RPL37: variants seen among roughly 807,000 people sequenced by gnomAD.
RPL37 encodes ribosomal protein L37, also known as large ribosomal subunit protein eL37.
In RPL37, 1 loss-of-function variant was observed where a neutral mutation model predicts 14.8. The ratio of observed to expected loss-of-function variants is 0.07; its 90% confidence interval spans 0.02 to 0.32. The LOEUF (loss-of-function observed/expected upper bound fraction) is 0.32, where lower values mean the gene tolerates loss of function less well. Among genes scored for constraint, RPL37 ranks in the 10% least tolerant of loss-of-function variants. RPL37 has a pLI of 1.00. For synonymous variants in RPL37, 53 were observed against 45.8 expected, an observed-to-expected ratio of 1.16 and a Z score of -0.63; for missense variants, 100 against 128.3, an observed-to-expected ratio of 0.78 and a Z score of 1.06.
At chr5:40,835,041 CTCT>C (rs1745735564) in intron 1 of RPL37, 139 bp downstream of exon 1, 3 of 1,126,242 alleles carry the variant, frequency 2.7e-6, no homozygotes, top group African/African-American at 3.0e-5. Flanking sequence ...ATTCTTCTGG[CTCT>C]TGAGGGCCAC....
Position 40,829,301 on chromosome 5 carries a change from T to C in RPL37, c.*3203A>G, listed in dbSNP as rs1289202228. The C allele has an allele frequency of 6.6e-6, 1 of 152,236 alleles. No homozygotes were observed. Among genetic ancestry groups the C allele is most frequent in the African/African-American group, 2.4e-5 (1 of 41,466 alleles). 9.4% of individuals were successfully genotyped at this position (152,236 alleles called of 1,614,324 possible). On this transcript the variant is annotated 3_prime_UTR_variant, in exon 4 of 4. Coordinates refer to ENST00000274242, the MANE Select transcript of RPL37 (RefSeq NM_000997.5). ...GACTCATCACATGCACACTAACACT[T>C]TCCACATTCATCTTGCTAGAATAAC...
In RPL37 at chr5:40,832,318, C is replaced by T; in HGVS notation, c.*186G>A. 7.8e-6 allele frequency: 5 copies of T among 637,474 alleles called. No individual in the cohort carries two copies. In the South Asian group the frequency reaches 8.7e-5, roughly 11 times the overall value. 39.5% of individuals were successfully genotyped at this position (637,474 alleles called of 1,614,324 possible). A position where few individuals can be genotyped will look rare whatever the true frequency, so the allele number is the denominator to read the frequency against. Reference sequence around the variant, plus strand: ...ATTGCCTTTAACCGTGTTACAAACCCAGTCCAAAAGTAAACATTCCAAAAC... The same window carrying T: ...ATTGCCTTTAACCGTGTTACAAACCTAGTCCAAAAGTAAACATTCCAAAAC... On this transcript the variant is annotated 3_prime_UTR_variant, in exon 4 of 4. Coordinates refer to ENST00000274242, the MANE Select transcript of RPL37 (RefSeq NM_000997.5).
intron 1 of RPL37, 54 bp downstream of exon 1, chr5:40,835,129 G>T: frequency 6.2e-7 from 1 of 1,613,032 alleles, no homozygotes; most frequent in Non-Finnish European, 8.5e-7. Flanking sequence ...CAAACAGAGA[G>T]GCACAAAGGA....
In RPL37 at chr5:40,830,255, T is replaced by G. The variant is rs905094296; in HGVS notation, c.*2249A>C. 1 of 152,106 alleles carries G rather than the reference T, an allele frequency of 6.6e-6. No homozygotes were observed. The highest frequency in any genetic ancestry group is 1.5e-5 in the Non-Finnish European group (1 of 68,012). 9.4% of individuals were successfully genotyped at this position (152,106 alleles called of 1,614,324 possible). The stretch of plus-strand genomic sequence containing the variant: ...TTCTGCTGAAAAATTTAAAGTATAA[T>G]GGGTATCTATACATAACTATAACTT... On this transcript the variant is annotated 3_prime_UTR_variant, in exon 4 of 4. Transcript: ENST00000274242.
chr5:40,829,310 C>T lies in RPL37; in HGVS notation c.*3194G>A, dbSNP rs1021129587. 3 of 152,238 alleles carry T rather than the reference C, an allele frequency of 2.0e-5. No individual in the cohort carries two copies. The highest frequency in any genetic ancestry group is 7.2e-5 in the African/African-American group (3 of 41,460). 9.4% of individuals were successfully genotyped at this position (152,238 alleles called of 1,614,324 possible). A position where few individuals can be genotyped will look rare whatever the true frequency, so the allele number is the denominator to read the frequency against. ...CATGCACACTAACACTTTCCACATT[C>T]ATCTTGCTAGAATAACTATTCCTAA... On this transcript the variant is annotated 3_prime_UTR_variant, in exon 4 of 4. Transcript: ENST00000274242.
chr5:40,832,387 T>TA lies in RPL37; in HGVS notation c.*116dup, dbSNP rs368537392. ...TCTGATATGAAGCTAGCCCAGTCCC[T>TA]AAACCTACAGTATTTCACTGATACT... On this transcript the variant is annotated 3_prime_UTR_variant, in exon 4 of 4. Coordinates refer to ENST00000274242, the MANE Select transcript of RPL37 (RefSeq NM_000997.5). The TA allele has an allele frequency of 6.2e-3, 5,562 of 897,742 alleles. 38 individuals are homozygous for TA. The highest frequency in any genetic ancestry group is 0.014 in the South Asian group (1,049 of 75,768). The allele number at this position is 897,742 out of a possible 1,614,324, so 55.6% of individuals were successfully genotyped here. A position where few individuals can be genotyped will look rare whatever the true frequency, so the allele number is the denominator to read the frequency against.
chr5:40,835,139 A>T, intron 1 of RPL37, 44 bp downstream of exon 1: 5 of 1,613,820 alleles, frequency 3.1e-6, no homozygotes, highest in Non-Finnish European at 3.4e-6. Context: ...GGCACAAAGG[A>T]CGAGGATGGA....
rs1267125081 is a variant in RPL37, at chr5:40,827,824, G to A, written c.*4680C>T. 1 of 151,336 alleles carries A rather than the reference G, an allele frequency of 6.6e-6. No individual in the cohort carries two copies. The highest frequency in any genetic ancestry group is 1.5e-5 in the Non-Finnish European group (1 of 67,990). 9.4% of individuals were successfully genotyped at this position (151,336 alleles called of 1,614,324 possible). ...CCCCCCAGGCTCAAGCGATTCTCTC[G>A]CCTCAGCCTCCTGAGTAGCTGGGAT... On this transcript the variant is annotated 3_prime_UTR_variant, in exon 4 of 4. Coordinates refer to ENST00000274242, the MANE Select transcript of RPL37 (RefSeq NM_000997.5).
chr5:40,833,017 T>C (rs962261185), intron 3 of RPL37, among the ~76,000 whole-genome samples: 7 of 152,154 alleles, frequency 4.6e-5, no homozygotes, highest in Non-Finnish European at 1.0e-4. Flanking sequence ...GTATCTACTC[T>C]AAGAAGTATC....
intron 3 of RPL37, chr5:40,832,866 C>T (rs1175155775): frequency 7.1e-6 from 3 of 424,224 alleles, no homozygotes; most frequent in South Asian, 2.1e-5. Flanking sequence ...GGCAAGAGAT[C>T]ACAGATTATT....
chr5:40,829,075 G>A lies in RPL37; in HGVS notation c.*3429C>T, dbSNP rs946531314. On this transcript the variant is annotated 3_prime_UTR_variant, in exon 4 of 4. Transcript: ENST00000274242. ...CTCTTGCTTACTCTGACTTCTACAT[G>A]CCTATCAAATCTCAGTGTTCTCATT... 6.6e-6 allele frequency: 1 copy of A among 152,112 alleles called. No homozygotes were observed. Among genetic ancestry groups the A allele is most frequent in the African/African-American group, 2.4e-5 (1 of 41,400 alleles). The allele number at this position is 152,112 out of a possible 1,614,324, so 9.4% of individuals were successfully genotyped here. A position where few individuals can be genotyped will look rare whatever the true frequency, so the allele number is the denominator to read the frequency against.
At chr5:40,835,005 G>T in intron 1 of RPL37, 178 bp downstream of exon 1, 1 of 790,046 alleles carries the variant, frequency 1.3e-6, no homozygotes, top group Non-Finnish European at 2.1e-6. Context: ...CGGCGGGATA[G>T]GTCCCCCAGG....
intron 3 of RPL37, 62 bp downstream of exon 3, chr5:40,834,119 G>C (rs766534583): frequency 8.7e-7 from 1 of 1,143,104 alleles, no homozygotes; most frequent in Non-Finnish European, 1.3e-6. Flanking sequence ...CTTTTTACAA[G>C]TAAACACGAG....
intron 3 of RPL37, among the ~76,000 whole-genome samples, chr5:40,833,134 C>A (rs1745678620): frequency 6.6e-6 from 1 of 152,172 alleles, no homozygotes; most frequent in Non-Finnish European, 1.5e-5. Context: ...CCCACAAAAA[C>A]GTTATGACCC....
At position 40,831,212 on chromosome 5, in the gene RPL37, C is replaced by G. The variant is rs1745634402; in HGVS notation, c.*1292G>C. 2 of 152,272 alleles carry G rather than the reference C, an allele frequency of 1.3e-5. No homozygotes were observed. Among genetic ancestry groups the G allele is most frequent in the Admixed American group, 1.3e-4 (2 of 15,280 alleles). 9.4% of individuals were successfully genotyped at this position (152,272 alleles called of 1,614,324 possible). On this transcript the variant is annotated 3_prime_UTR_variant, in exon 4 of 4. Coordinates refer to ENST00000274242, the MANE Select transcript of RPL37 (RefSeq NM_000997.5). ...AGGCAGGAGAACCACTTGACTTGAG[C>G]CCAGGAATTAGAGGCTGCAGTGAGC...
At chr5:40,834,101 A>C in intron 3 of RPL37, 80 bp downstream of exon 3, 1 of 961,310 alleles carries the variant, frequency 1.0e-6, no homozygotes, top group South Asian at 1.3e-5. Context: ...CCATCAGGGT[A>C]CTGTTATCTT....
intron 3 of RPL37, among the ~76,000 whole-genome samples, chr5:40,833,323 A>T (rs1030794506): frequency 6.6e-6 from 1 of 152,238 alleles, no homozygotes; most frequent in Non-Finnish European, 1.5e-5. Flanking sequence ...TATCCAGCCC[A>T]AAGTATCAAT....
chr5:40,832,428 TA>T lies in RPL37; in HGVS notation c.*75del. On this transcript the variant is annotated 3_prime_UTR_variant, in exon 4 of 4. Coordinates refer to ENST00000274242, the MANE Select transcript of RPL37 (RefSeq NM_000997.5). ...CACTGATACTACAAGCCTAATTGAT[TA>T]AAAATACCTTACCAAAACCAGATAT... The T allele has an allele frequency of 7.7e-7, 1 of 1,298,026 alleles. No homozygotes were observed. The highest frequency in any genetic ancestry group is 1.1e-6 in the Non-Finnish European group (1 of 894,120). 80.4% of individuals were successfully genotyped at this position (1,298,026 alleles called of 1,614,324 possible).
intron 3 of RPL37, 168 bp downstream of exon 3, chr5:40,834,013 C>T: frequency 1.6e-6 from 1 of 611,350 alleles, no homozygotes; most frequent in East Asian, 2.8e-5. Flanking sequence ...CCACTACACT[C>T]AAGCCTGGGC....
Sources: allele counts gnomAD v4.1 joint callset (sites outside exome capture counted in the v4.1 genomes callset), GRCh38; gene constraint gnomAD v4.1.1; transcripts MANE v1.5; gene names NCBI Gene and HGNC (gene_info 2026-07-23, HGNC 2026-07-21).